The following PRKAR2B variants were observed in gnomAD, a reference collection of about 807,000 sequenced individuals.
PRKAR2B encodes cAMP-dependent protein kinase type II-beta regulatory subunit.
A neutral mutation model predicts 49.9 loss-of-function variants in PRKAR2B; 14 were observed. That is an observed-to-expected ratio of 0.28 (90% CI 0.19 to 0.44). PRKAR2B has a LOEUF of 0.44. PRKAR2B is among the 20% of genes least tolerant of loss of function. PRKAR2B has a pLI of 1.00. For missense variants in PRKAR2B, 393 were observed against 537.9 expected, an observed-to-expected ratio of 0.73 and a Z score of 2.67; for synonymous variants, 196 against 197.7, an observed-to-expected ratio of 0.99 and a Z score of 0.07.
At chr7:107,127,157 A>G (rs1389391553) in intron 3 of PRKAR2B, among the ~76,000 whole-genome samples, 4 of 152,196 alleles carry the variant, frequency 2.6e-5, no homozygotes, top group Non-Finnish European at 5.9e-5. Flanking sequence ...GTTTGTGGCT[A>G]TAAACTCCAC....
chr7:107,111,013 A>T (rs918148880), intron 2 of PRKAR2B, among the ~76,000 whole-genome samples: 1 of 152,108 alleles, frequency 6.6e-6, no homozygotes, highest in Admixed American at 6.5e-5. Context: ...ACTTTTCTGG[A>T]CTTGCCCTAG....
intron 2 of PRKAR2B, among the ~76,000 whole-genome samples, chr7:107,118,829 A>G (rs1795337653): frequency 6.6e-6 from 1 of 152,224 alleles, no homozygotes; most frequent in Non-Finnish European, 1.5e-5. Flanking sequence ...GAGCTTTATA[A>G]GGCACGATGA....
chr7:107,093,920 A>G (rs565057833), intron 2 of PRKAR2B, among the ~76,000 whole-genome samples: 2 of 152,164 alleles, frequency 1.3e-5, no homozygotes, highest in Non-Finnish European at 2.9e-5. Flanking sequence ...ACTGATGGAC[A>G]TTTGGGTTGG....
intron 8 of PRKAR2B, among the ~76,000 whole-genome samples, chr7:107,156,449 A>G (rs1479706681): frequency 6.6e-6 from 1 of 152,056 alleles, no homozygotes; most frequent in Non-Finnish European, 1.5e-5. Context: ...GGGGGGAAAA[A>G]GAAAGTATTA....
rs532735757 is a variant in PRKAR2B at position 107,074,755 on chromosome 7, G to A, written c.343+4439G>A. On this transcript the variant is annotated intron_variant, in intron 2 of 10. Coordinates refer to ENST00000265717, the MANE Select transcript of PRKAR2B (RefSeq NM_002736.3). ...GGAGGTTGCAGTGAGCTGAGATTGC[G>A]CCACCGTACTCCAGCCTGAGCGACA... Among the ~76,000 whole-genome samples, 302 of 152,130 alleles carry A rather than the reference G, an allele frequency of 2.0e-3. 4 individuals carry two copies. Among genetic ancestry groups the A allele is most frequent in the Non-Finnish European group, 2.4e-3 (163 of 68,012 alleles).
intron 2 of PRKAR2B, among the ~76,000 whole-genome samples, chr7:107,080,603 G>A (rs150660920): frequency 6.6e-6 from 1 of 152,184 alleles, no homozygotes; most frequent in Non-Finnish European, 1.5e-5. Context: ...GACCAAGGGT[G>A]ACAGAGCAAA....
chr7:107,066,380 A>G (rs978976146), intron 1 of PRKAR2B, among the ~76,000 whole-genome samples: 1 of 152,026 alleles, frequency 6.6e-6, no homozygotes, highest in Non-Finnish European at 1.5e-5. Flanking sequence ...GTAAAAACCA[A>G]AAGTCTGAGA....
chr7:107,093,005 C>A (rs138590842), intron 2 of PRKAR2B, among the ~76,000 whole-genome samples: 1 of 152,298 alleles, frequency 6.6e-6, no homozygotes, highest in Non-Finnish European at 1.5e-5. Context: ...TCTTTCACTT[C>A]GTGTAATGTT....
intron 2 of PRKAR2B, among the ~76,000 whole-genome samples, chr7:107,108,433 G>T (rs968915556): frequency 6.6e-6 from 1 of 152,186 alleles, no homozygotes; most frequent in South Asian, 2.1e-4. Context: ...GAGAGAAAGC[G>T]TGACAAGGAC....
chr7:107,071,033 C>G (rs1185152601), intron 2 of PRKAR2B, among the ~76,000 whole-genome samples: 1 of 152,084 alleles, frequency 6.6e-6, no homozygotes, highest in African/African-American at 2.4e-5. Context: ...TCCAAAATGG[C>G]TTAAGTTAAA....
chr7:107,087,046 G>A (rs1184820883), intron 2 of PRKAR2B, among the ~76,000 whole-genome samples: 1 of 151,954 alleles, frequency 6.6e-6, no homozygotes, highest in African/African-American at 2.4e-5. Context: ...TTCACACATA[G>A]GAAAATGTTA....
At chr7:107,103,184 ACTT>A (rs1795009075) in intron 2 of PRKAR2B, among the ~76,000 whole-genome samples, 1 of 152,192 alleles carries the variant, frequency 6.6e-6, no homozygotes, top group South Asian at 2.1e-4. Context: ...AAAATATGCA[ACTT>A]CTGTAATTAT....
chr7:107,130,371 G>C (rs377666012), intron 4 of PRKAR2B, among the ~76,000 whole-genome samples: 1 of 151,780 alleles, frequency 6.6e-6, no homozygotes, highest in Non-Finnish European at 1.5e-5. Context: ...GCGTGGTGGC[G>C]GGCGCCTGTA....
intron 2 of PRKAR2B, among the ~76,000 whole-genome samples, chr7:107,100,543 T>A (rs548647874): frequency 6.6e-6 from 1 of 152,344 alleles, no homozygotes; most frequent in South Asian, 2.1e-4. Flanking sequence ...TTTTGTAAAA[T>A]TTGGAAAGTT....
At chr7:107,112,041 G>C (rs74404644) in intron 2 of PRKAR2B, among the ~76,000 whole-genome samples, 1 of 142,410 alleles carries the variant, frequency 7.0e-6, no homozygotes, top group Non-Finnish European at 1.5e-5. Flanking sequence ...AGGAACAGTC[G>C]TGTGCTCCTG....
At chr7:107,047,638 T>C (rs1188345194) in intron 1 of PRKAR2B, among the ~76,000 whole-genome samples, 1 of 152,124 alleles carries the variant, frequency 6.6e-6, no homozygotes, top group Admixed American at 6.5e-5. Context: ...ATGTGTCTCA[T>C]TAGAAAAGAA....
rs541897647 is a variant in PRKAR2B at position 107,154,284 on chromosome 7, C to T, written c.918+1033C>T. Reference sequence around the variant, plus strand: ...TGAGAGGTCCCGTGTACTCTTCACCCAGTTTCTCCTAATGCGTTTTGCATC... The same window carrying T: ...TGAGAGGTCCCGTGTACTCTTCACCTAGTTTCTCCTAATGCGTTTTGCATC... On this transcript the variant is annotated intron_variant, in intron 8 of 10. Coordinates refer to ENST00000265717, the MANE Select transcript of PRKAR2B (RefSeq NM_002736.3). Among the ~76,000 whole-genome samples, 54 of 152,306 alleles carry T rather than the reference C, an allele frequency of 3.5e-4. 1 individual carries two copies. The South Asian group carries it at 0.01, about 29-fold the overall frequency.
intron 1 of PRKAR2B, among the ~76,000 whole-genome samples, chr7:107,053,227 G>A (rs1000061258): frequency 4.6e-5 from 7 of 152,016 alleles, no homozygotes; most frequent in Non-Finnish European, 8.8e-5. Context: ...AAATATATTT[G>A]AGTGTACACC....
chr7:107,116,299 C>T (rs1795271513), intron 2 of PRKAR2B, among the ~76,000 whole-genome samples: 1 of 152,198 alleles, frequency 6.6e-6, no homozygotes, highest in Admixed American at 6.5e-5. Context: ...ACCTCCTTTG[C>T]TGTGAAGCCT....
Sources: allele counts gnomAD v4.1 joint callset (sites outside exome capture counted in the v4.1 genomes callset), GRCh38; gene constraint gnomAD v4.1.1; transcripts MANE v1.5; gene names NCBI Gene and HGNC (gene_info 2026-07-23, HGNC 2026-07-21).